The following BMP6 variants were observed in gnomAD, a reference collection of about 807,000 sequenced individuals.
BMP6 encodes the protein bone morphogenetic protein 6, also known as VG-1-R.
A neutral mutation model predicts 54.1 loss-of-function variants in BMP6; 17 were observed. That is an observed-to-expected ratio of 0.31 (90% CI 0.22 to 0.47). BMP6 has a LOEUF of 0.47. BMP6 is among the 20% of genes least tolerant of loss of function. BMP6 has a pLI of 1.00. For missense variants in BMP6, 720 were observed against 690.4 expected (o/e 1.04, Z -0.48); for synonymous variants, 328 against 291.2 (o/e 1.13, Z -1.28).
chr6:7,792,407 GAT>G (rs1758122382), intron 1 of BMP6, among the ~76,000 whole-genome samples: 1 of 152,142 alleles, frequency 6.6e-6, no homozygotes, highest in Admixed American at 6.5e-5. Flanking sequence ...CCTCTGGGTG[GAT>G]ATTCCCACAC....
chr6:7,824,496 C>G (rs1333150734), intron 1 of BMP6, among the ~76,000 whole-genome samples: 1 of 152,086 alleles, frequency 6.6e-6, no homozygotes, highest in Non-Finnish European at 1.5e-5. Context: ...TAGTTTATCT[C>G]AAGGATATCA....
intron 4 of BMP6, among the ~76,000 whole-genome samples, chr6:7,863,890 T>C (rs6911428): frequency 0.011 from 1,651 of 152,048 alleles, 29 homozygotes; most frequent in African/African-American, 0.038. Context: ...TGTGGTGGCA[T>C]GTGCCTGTAA....
intron 1 of BMP6, among the ~76,000 whole-genome samples, chr6:7,805,802 C>T (rs1243572312): frequency 6.6e-6 from 1 of 152,198 alleles, no homozygotes; most frequent in African/African-American, 2.4e-5. Flanking sequence ...ATAAAATACT[C>T]TAGCACAGAA....
intron 1 of BMP6, among the ~76,000 whole-genome samples, chr6:7,761,661 T>C (rs1464154062): frequency 6.6e-6 from 1 of 152,196 alleles, no homozygotes; most frequent in African/African-American, 2.4e-5. Context: ...CACTGGCTGT[T>C]CTTTACCTGC....
At chr6:7,802,365 A>G (rs760580764) in intron 1 of BMP6, among the ~76,000 whole-genome samples, 1 of 152,222 alleles carries the variant, frequency 6.6e-6, no homozygotes. Context: ...TGAAACAGGT[A>G]TGATCCCTCA....
intron 1 of BMP6, among the ~76,000 whole-genome samples, chr6:7,822,145 C>T (rs771183763): frequency 3.9e-5 from 6 of 152,090 alleles, no homozygotes; most frequent in South Asian, 4.1e-4. Flanking sequence ...CTCAGCCTCC[C>T]GAGTAGCTGG....
chr6:7,852,678 T>A lies in BMP6; in HGVS notation c.857+7346T>A, dbSNP rs542784571. ...CTTCCTTGGTGGACTCTGTACTCGA[T>A]TTTTTAGCTCCTCAGCACTGTGAGA... On this transcript the variant is annotated intron_variant, in intron 2 of 6. Coordinates refer to ENST00000283147, the MANE Select transcript of BMP6 (RefSeq NM_001718.6). Among the ~76,000 whole-genome samples, 7 of 152,348 alleles carry A rather than the reference T, an allele frequency of 4.6e-5. No individual in the cohort carries two copies. The East Asian group carries it at 1.3e-3, about 29-fold the overall frequency.
At chr6:7,835,157 C>G (rs1373115071) in intron 1 of BMP6, among the ~76,000 whole-genome samples, 1 of 152,188 alleles carries the variant, frequency 6.6e-6, no homozygotes, top group African/African-American at 2.4e-5. Context: ...GAGTCTTGCT[C>G]TGTCACCCAG....
At chr6:7,760,133 C>T (rs532596292) in intron 1 of BMP6, among the ~76,000 whole-genome samples, 1 of 141,704 alleles carries the variant, frequency 7.1e-6, no homozygotes, top group African/African-American at 2.7e-5. Context: ...GCGATTATAG[C>T]TTACTGCAGC....
chr6:7,788,008 C>CT (rs1372219826), intron 1 of BMP6, among the ~76,000 whole-genome samples: 1 of 151,980 alleles, frequency 6.6e-6, no homozygotes. Context: ...CCTGATATAA[C>CT]TTTAAGTATA....
intron 1 of BMP6, among the ~76,000 whole-genome samples, chr6:7,791,978 A>G (rs909611732): frequency 6.6e-6 from 1 of 151,778 alleles, no homozygotes; most frequent in Non-Finnish European, 1.5e-5. Flanking sequence ...TCAGAGAAAC[A>G]GGACCAATTG....
intron 1 of BMP6, among the ~76,000 whole-genome samples, chr6:7,774,517 A>C (rs1272911690): frequency 1.3e-5 from 2 of 152,204 alleles, no homozygotes; most frequent in Non-Finnish European, 2.9e-5. Context: ...GCGCCACTGC[A>C]CTCCAGCCTG....
At chr6:7,877,450 C>T (rs569738746) in intron 4 of BMP6, among the ~76,000 whole-genome samples, 3 of 152,152 alleles carry the variant, frequency 2.0e-5, no homozygotes, top group East Asian at 3.9e-4. Context: ...GTTGAAACCC[C>T]ATCTCTACTA....
chr6:7,765,201 G>T (rs1757668483), intron 1 of BMP6, among the ~76,000 whole-genome samples: 1 of 152,110 alleles, frequency 6.6e-6, no homozygotes, highest in Admixed American at 6.5e-5. Context: ...TGGGTGAGTT[G>T]GCTGGTGCAG....
At chr6:7,793,625 A>T (rs552198255) in intron 1 of BMP6, among the ~76,000 whole-genome samples, 1 of 152,300 alleles carries the variant, frequency 6.6e-6, no homozygotes, top group South Asian at 2.1e-4. Context: ...TGGGAGGCAG[A>T]CAGGGGGCAT....
chr6:7,784,190 AATAGTCTTTC>A (rs1293513352), intron 1 of BMP6, among the ~76,000 whole-genome samples: 2 of 152,154 alleles, frequency 1.3e-5, no homozygotes, highest in Non-Finnish European at 2.9e-5. Flanking sequence ...AGGAACCAAA[AATAGTCTTTC>A]CTTCTTCCCA....
intron 1 of BMP6, among the ~76,000 whole-genome samples, chr6:7,836,989 A>C (rs1246434209): frequency 1.3e-5 from 2 of 152,248 alleles, no homozygotes; most frequent in African/African-American, 4.8e-5. Flanking sequence ...TGTTTCAAAA[A>C]AAATTTCAAG....
intron 2 of BMP6, among the ~76,000 whole-genome samples, chr6:7,849,443 A>C (rs923942950): frequency 2.6e-5 from 4 of 152,200 alleles, no homozygotes; most frequent in Non-Finnish European, 5.9e-5. Flanking sequence ...TATTGCATGC[A>C]TACTAAGCTG....
chr6:7,875,252 T>C (rs1759594869), intron 4 of BMP6, among the ~76,000 whole-genome samples: 1 of 152,214 alleles, frequency 6.6e-6, no homozygotes, highest in Non-Finnish European at 1.5e-5. Context: ...TCTGTCTTTT[T>C]GTTCTCTCTG....
Sources: allele counts gnomAD v4.1 joint callset (sites outside exome capture counted in the v4.1 genomes callset), GRCh38; gene constraint gnomAD v4.1.1; transcripts MANE v1.5; gene names NCBI Gene and HGNC (gene_info 2026-07-23, HGNC 2026-07-21).